The following ZMIZ1 variants were observed in gnomAD, a reference collection of about 807,000 sequenced individuals.
ZMIZ1 encodes zinc finger MIZ-type containing 1, also known as zinc finger MIZ domain-containing protein 1.
In ZMIZ1, 17 loss-of-function variants were observed where a neutral mutation model predicts 113.9. That is an observed-to-expected ratio of 0.15 (90% CI 0.10 to 0.22). The LOEUF (loss-of-function observed/expected upper bound fraction) is 0.22. Ranked by LOEUF, ZMIZ1 falls within the 10% of genes least tolerant of loss-of-function variation. The probability of loss-of-function intolerance (pLI) is 1.00; values close to 1 mark genes in which losing one functional copy is unlikely to be tolerated. For missense variants in ZMIZ1, 1,059 were observed against 1,477.8 expected (o/e 0.72, Z 4.65); for synonymous variants, 607 against 603.1 (o/e 1.01, Z -0.09).
chr10:79,131,911 CGTT>C (rs1230293968), intron 2 of ZMIZ1, among the ~76,000 whole-genome samples: 1 of 152,188 alleles, frequency 6.6e-6, no homozygotes, highest in East Asian at 1.9e-4. Flanking sequence ...GTTCAGAGCG[CGTT>C]CCTGAGAGTG....
chr10:79,187,711 C>T (rs1383738795), intron 4 of ZMIZ1, among the ~76,000 whole-genome samples: 1 of 152,202 alleles, frequency 6.6e-6, no homozygotes, highest in African/African-American at 2.4e-5. Flanking sequence ...ACCCCCAGGC[C>T]AGGATCCTCC....
At chr10:79,134,473 A>G (rs1206141320) in intron 2 of ZMIZ1, among the ~76,000 whole-genome samples, 1 of 152,204 alleles carries the variant, frequency 6.6e-6, no homozygotes, top group Non-Finnish European at 1.5e-5. Context: ...CAACTCATGC[A>G]GAGGAAAGGA....
At chr10:79,290,586 C>T (rs1384269921) in intron 9 of ZMIZ1, among the ~76,000 whole-genome samples, 3 of 152,160 alleles carry the variant, frequency 2.0e-5, no homozygotes, top group East Asian at 1.9e-4. Context: ...GGCATCCAGG[C>T]TCGTTTGTGG....
chr10:79,235,054 C>T (rs1030823965), intron 7 of ZMIZ1, among the ~76,000 whole-genome samples: 1 of 152,222 alleles, frequency 6.6e-6, no homozygotes, highest in African/African-American at 2.4e-5. Flanking sequence ...GCTCTGCAGG[C>T]CCTGATTTCA....
intron 8 of ZMIZ1, among the ~76,000 whole-genome samples, chr10:79,289,562 G>A (rs940005466): frequency 9.9e-5 from 15 of 152,196 alleles, no homozygotes; most frequent in African/African-American, 3.6e-4. Flanking sequence ...GTGATCGGGG[G>A]AAAGGTGGCC....
chr10:79,168,909 T>G (rs1029042123), intron 4 of ZMIZ1, among the ~76,000 whole-genome samples: 2 of 152,176 alleles, frequency 1.3e-5, no homozygotes, highest in African/African-American at 2.4e-5. Flanking sequence ...AGCAGGAAAT[T>G]TATGGTTGCT....
intron 6 of ZMIZ1, among the ~76,000 whole-genome samples, chr10:79,213,420 T>C (rs1233259980): frequency 6.6e-6 from 1 of 152,190 alleles, no homozygotes; most frequent in African/African-American, 2.4e-5. Flanking sequence ...CTCTGGGCCT[T>C]GACTTCCTCA....
chr10:79,167,094 C>T (rs1222031358), intron 4 of ZMIZ1, among the ~76,000 whole-genome samples: 5 of 152,222 alleles, frequency 3.3e-5, no homozygotes, highest in South Asian at 2.1e-4. Flanking sequence ...GCTCCATCCT[C>T]GGAAGCCTTC....
intron 1 of ZMIZ1, among the ~76,000 whole-genome samples, chr10:79,111,541 G>A (rs1053988185): frequency 6.6e-6 from 1 of 152,132 alleles, no homozygotes; most frequent in Non-Finnish European, 1.5e-5. Flanking sequence ...GGGTGTGGGT[G>A]ACGGGGGAGG....
intron 4 of ZMIZ1, among the ~76,000 whole-genome samples, chr10:79,171,301 C>T (rs1846588872): frequency 6.6e-6 from 1 of 152,194 alleles, no homozygotes. Flanking sequence ...CTTCACTCCA[C>T]CGGGGATGAG....
At chr10:79,298,149 G>A (rs1357267590) in intron 14 of ZMIZ1, among the ~76,000 whole-genome samples, 1 of 152,174 alleles carries the variant, frequency 6.6e-6, no homozygotes, top group African/African-American at 2.4e-5. Flanking sequence ...TTATCACAGG[G>A]ATGGGTAAGG....
At chr10:79,193,969 A>C (rs1467279634) in intron 4 of ZMIZ1, among the ~76,000 whole-genome samples, 1 of 152,198 alleles carries the variant, frequency 6.6e-6, no homozygotes, top group Non-Finnish European at 1.5e-5. Flanking sequence ...GGGCTCATGA[A>C]GTTTGTCCCT....
intron 3 of ZMIZ1, among the ~76,000 whole-genome samples, chr10:79,155,984 TC>T (rs1845890869): frequency 6.6e-6 from 1 of 152,166 alleles, no homozygotes; most frequent in South Asian, 2.1e-4. Flanking sequence ...TCCTGTGTCT[TC>T]CCCACTGGTG....
At chr10:79,113,846 C>T (rs978888136) in intron 1 of ZMIZ1, among the ~76,000 whole-genome samples, 2 of 152,080 alleles carry the variant, frequency 1.3e-5, no homozygotes, top group South Asian at 2.1e-4. Flanking sequence ...GTTTGGAGCC[C>T]GTTCACCTGT....
chr10:79,240,378 G>A (rs1453341745), intron 7 of ZMIZ1, among the ~76,000 whole-genome samples: 1 of 152,178 alleles, frequency 6.6e-6, no homozygotes, highest in East Asian at 1.9e-4. Context: ...CAAATCTTTG[G>A]AAGTTGGAGA....
At chr10:79,266,135 CCT>C (rs532665051) in intron 7 of ZMIZ1, among the ~76,000 whole-genome samples, 45 of 152,310 alleles carry the variant, frequency 3.0e-4, no homozygotes, top group Non-Finnish European at 6.3e-4. Context: ...GTGCCCACCC[CCT>C]GTCTTTTACA....
At chr10:79,276,523 C>G (rs1051472366) in intron 7 of ZMIZ1, among the ~76,000 whole-genome samples, 1 of 152,188 alleles carries the variant, frequency 6.6e-6, no homozygotes, top group Non-Finnish European at 1.5e-5. Context: ...CCCTGGCCAC[C>G]CTCTGCTCTG....
intron 10 of ZMIZ1, 58 bp downstream of exon 10, chr10:79,291,234 GT>G (rs1853475773): frequency 6.6e-7 from 1 of 1,505,026 alleles, no homozygotes. Flanking sequence ...CCTCCTTCCA[GT>G]GGGGAGGGAC....
At chr10:79,150,091 G>T (rs1346354469) in intron 3 of ZMIZ1, among the ~76,000 whole-genome samples, 2 of 152,208 alleles carry the variant, frequency 1.3e-5, no homozygotes, top group African/African-American at 2.4e-5. Context: ...GGAAGCCAGG[G>T]CGGGGCTGGA....
Sources: gnomAD v4.1 joint callset for allele counts (sites outside exome capture counted in the v4.1 genomes callset) on GRCh38, gnomAD v4.1.1 for gene constraint, MANE v1.5 for transcripts, NCBI Gene and HGNC (gene_info 2026-07-23, HGNC 2026-07-21) for gene names.